PRKCA: variants seen among roughly 807,000 people sequenced by gnomAD.
PRKCA encodes protein kinase C alpha, also known as protein kinase C alpha type.
PRKCA carries 27 observed loss-of-function variants against 87.0 expected under a neutral mutation model. The observed-to-expected ratio is 0.31, with a 90% CI of 0.23 to 0.43. PRKCA has a LOEUF of 0.43. Ranked by LOEUF, PRKCA falls within the 20% of genes least tolerant of loss-of-function variation. The probability of loss-of-function intolerance (pLI) is 1.00; values close to 1 mark genes in which losing one functional copy is unlikely to be tolerated. For missense variants in PRKCA, 518 were observed against 852.3 expected (o/e 0.61, Z 4.88); for synonymous variants, 329 against 311.1 (o/e 1.06, Z -0.61).
At chr17:66,534,673 GAAAAGA>G (rs1967705528) in intron 3 of PRKCA, among the ~76,000 whole-genome samples, 1 of 151,912 alleles carries the variant, frequency 6.6e-6, no homozygotes, top group Admixed American at 6.6e-5. Flanking sequence ...TCTCAAAAAA[GAAAAGA>G]AAAAGAAATC....
At chr17:66,352,900 G>T (rs1907837466) in intron 2 of PRKCA, among the ~76,000 whole-genome samples, 1 of 151,924 alleles carries the variant, frequency 6.6e-6, no homozygotes, top group South Asian at 2.1e-4. Flanking sequence ...GGAGGGAAGT[G>T]GCGAAGAATG....
intron 5 of PRKCA, among the ~76,000 whole-genome samples, chr17:66,649,153 A>C (rs1031972458): frequency 5.3e-5 from 8 of 152,034 alleles, no homozygotes; most frequent in African/African-American, 1.7e-4. Context: ...GTTACTAGGA[A>C]TTTTTTTAAA....
chr17:66,628,099 C>A (rs751085398), intron 3 of PRKCA, among the ~76,000 whole-genome samples: 8 of 151,862 alleles, frequency 5.3e-5, no homozygotes, highest in Admixed American at 1.3e-4. Context: ...TGGTTACTGG[C>A]AAGCTTATTC....
chr17:66,428,262 G>T (rs1217766229), intron 2 of PRKCA, among the ~76,000 whole-genome samples: 1 of 152,144 alleles, frequency 6.6e-6, no homozygotes, highest in Non-Finnish European at 1.5e-5. Flanking sequence ...ATTAGAGAAG[G>T]TCGAATCCAT....
At chr17:66,482,110 A>G (rs1408448315) in intron 2 of PRKCA, among the ~76,000 whole-genome samples, 2 of 150,906 alleles carry the variant, frequency 1.3e-5, no homozygotes, top group African/African-American at 4.9e-5. Flanking sequence ...AAAAAAAAAA[A>G]AAAAAAAGAA....
chr17:66,496,386 GAAGA>G, intron 3 of PRKCA, 103 bp downstream of exon 3: 1 of 947,710 alleles, frequency 1.1e-6, no homozygotes, highest in Non-Finnish European at 1.7e-6. Flanking sequence ...CTGTTAATGG[GAAGA>G]CTCAATTCTC....
intron 8 of PRKCA, among the ~76,000 whole-genome samples, chr17:66,704,920 C>T (rs1225495076): frequency 6.6e-6 from 1 of 152,170 alleles, no homozygotes; most frequent in African/African-American, 2.4e-5. Flanking sequence ...AAGACTTTAT[C>T]TAGTTCAGAA....
intron 2 of PRKCA, among the ~76,000 whole-genome samples, chr17:66,430,818 G>C (rs1434420439): frequency 1.3e-5 from 2 of 152,188 alleles, no homozygotes; most frequent in Non-Finnish European, 2.9e-5. Context: ...CAGAGTTGAA[G>C]ACGGCTGTTT....
intron 3 of PRKCA, among the ~76,000 whole-genome samples, chr17:66,581,308 A>G (rs1225263393): frequency 6.6e-6 from 1 of 152,204 alleles, no homozygotes; most frequent in Non-Finnish European, 1.5e-5. Context: ...GCTGTCTTGG[A>G]CAATATATGC....
intron 2 of PRKCA, among the ~76,000 whole-genome samples, chr17:66,458,501 A>T (rs1367354364): frequency 6.7e-6 from 1 of 149,484 alleles, no homozygotes. Flanking sequence ...TTTTTTTGAG[A>T]CGGGGTTTCT....
chr17:66,504,696 G>A (rs1396406120), intron 3 of PRKCA, among the ~76,000 whole-genome samples: 1 of 152,172 alleles, frequency 6.6e-6, no homozygotes, highest in Non-Finnish European at 1.5e-5. Flanking sequence ...TGCATCTAAT[G>A]GGAGAATGCA....
At chr17:66,591,839 A>T (rs1598799820) in intron 3 of PRKCA, among the ~76,000 whole-genome samples, 1 of 152,138 alleles carries the variant, frequency 6.6e-6, no homozygotes, top group South Asian at 2.1e-4. Flanking sequence ...TTTTATAAAA[A>T]CCTAAACATA....
intron 3 of PRKCA, among the ~76,000 whole-genome samples, chr17:66,595,101 A>G (rs1225855678): frequency 6.6e-6 from 1 of 152,100 alleles, no homozygotes; most frequent in Non-Finnish European, 1.5e-5. Flanking sequence ...ACGATGCATT[A>G]TTCTAATGTC....
At chr17:66,508,460 G>T (rs1048160230) in intron 3 of PRKCA, among the ~76,000 whole-genome samples, 1 of 152,202 alleles carries the variant, frequency 6.6e-6, no homozygotes. Flanking sequence ...TGCTCCTGAT[G>T]TTGGGGATGT....
At position 66,394,437 on chromosome 17, in the gene PRKCA, G is replaced by A. The variant is rs138427606; in HGVS notation, c.205+88310G>A. On this transcript the variant is annotated intron_variant, in intron 2 of 16. Coordinates refer to ENST00000413366, the MANE Select transcript of PRKCA (RefSeq NM_002737.3). ...GGCTCACTGGGGGATGAGACTCACC[G>A]ATGGCAGTGTGGTTATTTATGTATA... 3.0e-4 allele frequency among the ~76,000 whole-genome samples: 46 copies of A among 152,318 alleles called. No individual in the cohort carries two copies. In the East Asian group the frequency reaches 4.4e-3, roughly 15 times the overall value.
intron 3 of PRKCA, among the ~76,000 whole-genome samples, chr17:66,544,079 G>A (rs1968075297): frequency 6.6e-6 from 1 of 152,140 alleles, no homozygotes; most frequent in South Asian, 2.1e-4. Flanking sequence ...GCCACGTGTG[G>A]TGGTGCACAC....
intron 2 of PRKCA, among the ~76,000 whole-genome samples, chr17:66,424,019 G>A (rs889171869): frequency 6.6e-6 from 1 of 152,168 alleles, no homozygotes; most frequent in East Asian, 1.9e-4. Flanking sequence ...TGATAATGCT[G>A]TCTTAGCAGA....
At chr17:66,542,094 T>C (rs978684673) in intron 3 of PRKCA, among the ~76,000 whole-genome samples, 3 of 152,226 alleles carry the variant, frequency 2.0e-5, no homozygotes, top group Admixed American at 1.3e-4. Flanking sequence ...TTTCATGCTT[T>C]TAAAATTACT....
chr17:66,791,665 G>C (rs776547579), intron 16 of PRKCA, among the ~76,000 whole-genome samples: 14 of 152,240 alleles, frequency 9.2e-5, no homozygotes, highest in Admixed American at 2.6e-4. Flanking sequence ...ACCGCCTTCA[G>C]CGGTCTCTGA....
Sources: gnomAD v4.1 joint callset for allele counts (sites outside exome capture counted in the v4.1 genomes callset) on GRCh38, gnomAD v4.1.1 for gene constraint, MANE v1.5 for transcripts, NCBI Gene and HGNC (gene_info 2026-07-23, HGNC 2026-07-21) for gene names.